The following AGAP1 variants were observed in gnomAD, a reference collection of about 807,000 sequenced individuals.
AGAP1 encodes ArfGAP with GTPase domain, ankyrin repeat and PH domain 1.
In AGAP1, 29 loss-of-function variants were observed where a neutral mutation model predicts 105.3. The observed-to-expected ratio is 0.28, with a 90% CI of 0.21 to 0.38. The LOEUF (loss-of-function observed/expected upper bound fraction) is 0.38, where lower values mean the gene tolerates loss of function less well. Ranked by LOEUF, AGAP1 falls within the 10% of genes least tolerant of loss-of-function variation. The pLI is 1.00. For synonymous variants in AGAP1, 509 were observed against 485.9 expected (o/e 1.05, Z -0.63); for missense variants, 998 against 1,165.1 (o/e 0.86, Z 2.09).
At chr2:235,786,845 A>T (rs887642610) in intron 6 of AGAP1, among the ~76,000 whole-genome samples, 3 of 152,202 alleles carry the variant, frequency 2.0e-5, no homozygotes, top group Non-Finnish European at 4.4e-5. Flanking sequence ...TATAGGGTTC[A>T]GGAGACCCCT....
At chr2:235,945,857 A>T (rs1232503047) in intron 12 of AGAP1, among the ~76,000 whole-genome samples, 1 of 123,900 alleles carries the variant, frequency 8.1e-6, no homozygotes, top group Non-Finnish European at 1.6e-5. Flanking sequence ...TCATGGCAGA[A>T]GGCAGAGGGG....
chr2:235,514,527 TC>T (rs749938461), intron 1 of AGAP1, among the ~76,000 whole-genome samples: 2 of 152,234 alleles, frequency 1.3e-5, no homozygotes, highest in African/African-American at 2.4e-5. Context: ...GCAGGCCACT[TC>T]CTCTGTCTGG....
rs6748777 is a variant in AGAP1, at chr2:236,040,924, T to C, written c.1891+83T>C. 2,254 of 1,367,818 alleles carry C rather than the reference T, an allele frequency of 1.6e-3. 26 individuals carry two copies. In the African/African-American group the frequency reaches 0.028, roughly 17 times the overall value. 84.7% of individuals were successfully genotyped at this position (1,367,818 alleles called of 1,614,324 possible). On this transcript the variant is annotated intron_variant, in intron 15 of 17. Coordinates refer to ENST00000304032, the MANE Select transcript of AGAP1 (RefSeq NM_001037131.3). The surrounding 1 kb of genome is among the most constrained non-coding windows in gnomAD (Gnocchi z 5.6). ...CCACTAGGCCCGGGTTGCAGGGGACTCACATCTGTCCTGTTTGGCAGATAA... is the reference window on the plus strand; with the variant it reads ...CCACTAGGCCCGGGTTGCAGGGGACCCACATCTGTCCTGTTTGGCAGATAA...
rs2050384703 is a variant in AGAP1, at chr2:235,888,720, A to AG, written c.1155+5272dup. Among the ~76,000 whole-genome samples, 1 of 150,976 alleles carries AG rather than the reference A, an allele frequency of 6.6e-6. No individual in the cohort carries two copies. Among genetic ancestry groups the AG allele is most frequent in the African/African-American group, 2.4e-5 (1 of 41,048 alleles). On this transcript the variant is annotated intron_variant, in intron 10 of 17. Coordinates refer to ENST00000304032, the MANE Select transcript of AGAP1 (RefSeq NM_001037131.3). The surrounding 1 kb of genome is among the most constrained non-coding windows in gnomAD (Gnocchi z 4.8). ...ACCCTGTCTTTAAAAAAAAAAAAAAAGTTGATAGAGGCAGGTACAGCATTT... is the reference window on the plus strand; with the variant it reads ...ACCCTGTCTTTAAAAAAAAAAAAAAAGGTTGATAGAGGCAGGTACAGCATTT...
chr2:235,729,136 C>A lies in AGAP1; in HGVS notation c.310+11492C>A, dbSNP rs1951807150. Reference sequence around the variant, plus strand: ...ACCTAAGAGGACAGATAGGGGAATCCCCAGGCCACCTCTGGACCTTGACAT... The same window carrying A: ...ACCTAAGAGGACAGATAGGGGAATCACCAGGCCACCTCTGGACCTTGACAT... On this transcript the variant is annotated intron_variant, in intron 3 of 17. Transcript: ENST00000304032. The surrounding 1 kb of genome is among the most constrained non-coding windows in gnomAD (Gnocchi z 5.0). Among the ~76,000 whole-genome samples the A allele has an allele frequency of 6.6e-6, 1 of 152,128 alleles. No individual in the cohort carries two copies. The highest frequency in any genetic ancestry group is 2.4e-5 in the African/African-American group (1 of 41,398).
intron 1 of AGAP1, among the ~76,000 whole-genome samples, chr2:235,683,443 G>A (rs1949198513): frequency 6.6e-6 from 1 of 151,024 alleles, no homozygotes; most frequent in Non-Finnish European, 1.5e-5. Context: ...ATCTACATTT[G>A]TATAATTTAT....
chr2:235,923,018 G>T (rs768084634), intron 11 of AGAP1, among the ~76,000 whole-genome samples: 2 of 152,162 alleles, frequency 1.3e-5, no homozygotes, highest in East Asian at 1.9e-4. Context: ...AGGAAGTGGC[G>T]CAGCGAGGAC....
rs2057076801 is a variant in AGAP1 at position 236,027,014 on chromosome 2, G to A, written c.1646-9547G>A. 1.3e-5 allele frequency among the ~76,000 whole-genome samples: 2 copies of A among 152,184 alleles called. No individual in the cohort carries two copies. The highest frequency in any genetic ancestry group is 2.1e-4 in the South Asian group (1 of 4,828). ...AAAATGGCTGTAAAGTCCTGGCGTT[G>A]TGCCTGACAGAATTTGGAGCCCAGT... On this transcript the variant is annotated intron_variant, in intron 13 of 17. Coordinates refer to ENST00000304032, the MANE Select transcript of AGAP1 (RefSeq NM_001037131.3). This position sits in a 1 kb window ranked among gnomAD's most constrained non-coding sequence, Gnocchi z 4.4.
chr2:235,895,321 C>T (rs934643651), intron 10 of AGAP1, among the ~76,000 whole-genome samples: 14 of 150,484 alleles, frequency 9.3e-5, no homozygotes, highest in African/African-American at 3.4e-4. Flanking sequence ...GTCCGTGCCC[C>T]TGCTCTTGCC....
At position 235,559,003 on chromosome 2, in the gene AGAP1, GC is replaced by G. The variant is rs1278293241; in HGVS notation, c.163+64156del. ...GGTGGTGTGATCTCTGCTCACTGCA[GC>G]CTTCGCCTCCCAGGCTCAAGAAATT... On this transcript the variant is annotated intron_variant, in intron 1 of 17. Coordinates refer to ENST00000304032, the MANE Select transcript of AGAP1 (RefSeq NM_001037131.3). This position sits in a 1 kb window ranked among gnomAD's most constrained non-coding sequence, Gnocchi z 5.7. Among the ~76,000 whole-genome samples the G allele has an allele frequency of 3.3e-5, 5 of 152,118 alleles. No individual in the cohort carries two copies. Among genetic ancestry groups the G allele is most frequent in the African/African-American group, 1.2e-4 (5 of 41,438 alleles).
intron 6 of AGAP1, among the ~76,000 whole-genome samples, chr2:235,779,724 A>G (rs572065575): frequency 6.6e-6 from 1 of 152,218 alleles, no homozygotes; most frequent in South Asian, 2.1e-4. Flanking sequence ...TGAAGGTGAA[A>G]ACCAGTTAAT....
intron 16 of AGAP1, among the ~76,000 whole-genome samples, chr2:236,108,843 C>G (rs571908346): frequency 6.6e-6 from 1 of 152,092 alleles, no homozygotes; most frequent in African/African-American, 2.4e-5. Context: ...TCTGGCTGCC[C>G]GCTCTCTTGT....
rs1559287171 is a variant in AGAP1, at chr2:235,610,137, A to C, written c.164-99042A>C. On this transcript the variant is annotated intron_variant, in intron 1 of 17. Coordinates refer to ENST00000304032, the MANE Select transcript of AGAP1 (RefSeq NM_001037131.3). This position sits in a 1 kb window ranked among gnomAD's most constrained non-coding sequence, Gnocchi z 4.9. ...CAGGCTTGTCTCCACCATTGGAGTA[A>C]GCTCCAGCCCAGCTCCTGGCTTCTG... Among the ~76,000 whole-genome samples the C allele has an allele frequency of 6.6e-6, 1 of 152,150 alleles. No homozygotes were observed. The highest frequency in any genetic ancestry group is 1.5e-5 in the Non-Finnish European group (1 of 68,022).
Position 235,957,792 on chromosome 2 carries a change from G to A in AGAP1, c.1484-10670G>A, listed in dbSNP as rs1435263543. Among the ~76,000 whole-genome samples the A allele has an allele frequency of 6.6e-6, 1 of 152,188 alleles. No individual in the cohort carries two copies. The highest frequency in any genetic ancestry group is 1.5e-5 in the Non-Finnish European group (1 of 68,032). ...TCGTTGGCCGTGTATCAAAGGAAGTGCGTTTTAATTTACGAGTTCCTACAA... is the reference window on the plus strand; with the variant it reads ...TCGTTGGCCGTGTATCAAAGGAAGTACGTTTTAATTTACGAGTTCCTACAA... On this transcript the variant is annotated intron_variant, in intron 12 of 17. Transcript: ENST00000304032. The surrounding 1 kb of genome is among the most constrained non-coding windows in gnomAD (Gnocchi z 4.6).
rs1951512707 is a variant in AGAP1, at chr2:235,723,815, G to A, written c.310+6171G>A. Among the ~76,000 whole-genome samples the A allele has an allele frequency of 7.0e-6, 1 of 143,450 alleles. No individual in the cohort carries two copies. The highest frequency in any genetic ancestry group is 6.9e-5 in the Admixed American group (1 of 14,434). 94.1% of individuals were successfully genotyped at this position (143,450 alleles called of 152,430 possible). ...GTTGGTTGGTTGGTCGATCGACAGA[G>A]ACTTAAGAATGTTCATAGACCAACT... is the stretch of plus-strand genomic sequence containing the variant. On this transcript the variant is annotated intron_variant, in intron 3 of 17. Coordinates refer to ENST00000304032, the MANE Select transcript of AGAP1 (RefSeq NM_001037131.3). The surrounding 1 kb of genome is among the most constrained non-coding windows in gnomAD (Gnocchi z 6.2).
chr2:236,088,205 G>A (rs2058978257), intron 16 of AGAP1, among the ~76,000 whole-genome samples: 1 of 152,232 alleles, frequency 6.6e-6, no homozygotes. Context: ...TCCTCAGACA[G>A]TGGAATCCTT....
Position 235,582,443 on chromosome 2 carries a change from C to T in AGAP1, c.163+87594C>T, listed in dbSNP as rs1944964513. ...ATGCCTCATTGAGAAGCATGGGTGT[C>T]CCCTTAGACATCATGGGAGCTCATT... On this transcript the variant is annotated intron_variant, in intron 1 of 17. Transcript: ENST00000304032. This position sits in a 1 kb window ranked among gnomAD's most constrained non-coding sequence, Gnocchi z 4.7. Among the ~76,000 whole-genome samples the T allele has an allele frequency of 6.6e-6, 1 of 152,082 alleles. No homozygotes were observed. Among genetic ancestry groups the T allele is most frequent in the Non-Finnish European group, 1.5e-5 (1 of 68,024 alleles).
chr2:235,507,054 A>T (rs1031840728), intron 1 of AGAP1: 3 of 152,722 alleles, frequency 2.0e-5, no homozygotes, highest in Admixed American at 1.3e-4. Flanking sequence ...CTGACTTAGG[A>T]CCTCCTGCCG....
intron 17 of AGAP1, among the ~76,000 whole-genome samples, chr2:236,122,598 C>A (rs1384491632): frequency 1.3e-5 from 2 of 151,928 alleles, no homozygotes; most frequent in African/African-American, 2.4e-5. Flanking sequence ...CCCTTCTGAT[C>A]ATCACTCTAA....
Sources: allele counts gnomAD v4.1 joint callset (sites outside exome capture counted in the v4.1 genomes callset), GRCh38; gene constraint gnomAD v4.1.1; non-coding constraint Gnocchi (gnomAD v3.1); transcripts MANE v1.5; gene names NCBI Gene and HGNC (gene_info 2026-07-23, HGNC 2026-07-21).